CCDC85A: variants seen among roughly 807,000 people sequenced by gnomAD.
The protein encoded by CCDC85A is coiled-coil domain containing 85A.
In CCDC85A, 38 loss-of-function variants were observed where a neutral mutation model predicts 50.2. The observed-to-expected ratio is 0.76, with a 90% CI of 0.58 to 0.99. The LOEUF (loss-of-function observed/expected upper bound fraction) is 0.99. CCDC85A is among the 50% of genes least tolerant of loss of function. The probability of loss-of-function intolerance (pLI) is 0.00; values close to 1 mark genes in which losing one functional copy is unlikely to be tolerated. For synonymous variants in CCDC85A, 366 were observed against 301.4 expected, an observed-to-expected ratio of 1.21 and a Z score of -2.22; for missense variants, 820 against 742.0, an observed-to-expected ratio of 1.11 and a Z score of -1.22.
At chr2:56,280,209 G>C (rs929278681) in intron 2 of CCDC85A, among the ~76,000 whole-genome samples, 2 of 152,178 alleles carry the variant, frequency 1.3e-5, no homozygotes, top group African/African-American at 4.8e-5. Context: ...CTAGCATCTA[G>C]AGTTGGCTCT....
chr2:56,327,089 T>C (rs930275358), intron 2 of CCDC85A, among the ~76,000 whole-genome samples: 1 of 152,138 alleles, frequency 6.6e-6, no homozygotes, highest in Admixed American at 6.6e-5. Context: ...GGCCTTATAT[T>C]ATACATGGTA....
intron 2 of CCDC85A, among the ~76,000 whole-genome samples, chr2:56,287,860 G>A (rs2104130362): frequency 6.6e-6 from 1 of 152,318 alleles, no homozygotes; most frequent in East Asian, 1.9e-4. Context: ...TTTTGGGAGT[G>A]TGAAATTTTT....
chr2:56,184,632 A>G lies in CCDC85A; in HGVS notation c.8A>G (p.Lys3Arg), dbSNP rs1209137627. Residue 3 changes from lysine to arginine, a missense_variant, in exon 1 of 6, where the codon AAG becomes AGG. Transcript: ENST00000407595. MS[K>R]AAGGAAAAAA... ...TGCCACCCCGCGGATACCATGTCGA[A>G]GGCGGCCGGAGGCGCGGCGGCGGCT... The G allele has an allele frequency of 4.2e-6, 6 of 1,427,220 alleles. No homozygotes were observed. The highest frequency in any genetic ancestry group is 5.4e-6 in the Non-Finnish European group (6 of 1,104,624). 88.4% of individuals were successfully genotyped at this position (1,427,220 alleles called of 1,614,324 possible).
chr2:56,185,973 C>G (rs934623403), intron 1 of CCDC85A, among the ~76,000 whole-genome samples: 10 of 152,038 alleles, frequency 6.6e-5, no homozygotes, highest in African/African-American at 2.4e-4. Context: ...CCACTCCTAT[C>G]CCCACATATC....
At chr2:56,193,500 T>G (rs1436112321) in intron 2 of CCDC85A, 60 bp downstream of exon 2, 1 of 1,494,420 alleles carries the variant, frequency 6.7e-7, no homozygotes, top group Non-Finnish European at 8.9e-7. Context: ...GAGTTACGAA[T>G]GATGATGGAC....
chr2:56,310,094 G>A (rs1032538182), intron 2 of CCDC85A, among the ~76,000 whole-genome samples: 4 of 152,080 alleles, frequency 2.6e-5, no homozygotes, highest in East Asian at 1.9e-4. Context: ...TCCAGGTCTC[G>A]TCCAACTTGT....
chr2:56,184,216 C>T lies in CCDC85A; in HGVS notation c.-409C>T. The T allele has an allele frequency of 1.0e-6, 1 of 988,872 alleles. No homozygotes were observed. Among genetic ancestry groups the T allele is most frequent in the Non-Finnish European group, 1.2e-6 (1 of 830,178 alleles). 61.3% of individuals were successfully genotyped at this position (988,872 alleles called of 1,614,324 possible). Reference sequence around the variant, plus strand: ...GGGGAGGAAAGTGCGTGTGCGTGCACGCCTGTGTGCAGGGCAGAGAGTGCG... The same window carrying T: ...GGGGAGGAAAGTGCGTGTGCGTGCATGCCTGTGTGCAGGGCAGAGAGTGCG... On this transcript the variant is annotated 5_prime_UTR_variant, in exon 1 of 6. In the 5' UTR this introduces an upstream ATG that the reference lacks. Transcript: ENST00000407595.
At chr2:56,303,262 A>G (rs1459842795) in intron 2 of CCDC85A, among the ~76,000 whole-genome samples, 2 of 152,118 alleles carry the variant, frequency 1.3e-5, no homozygotes, top group African/African-American at 4.8e-5. Context: ...CACGTAGTAA[A>G]TAGTTATGTT....
At position 56,342,992 on chromosome 2, in the gene CCDC85A, CA is replaced by C. The variant is rs773242594; in HGVS notation, c.1317+38del. 32 of 1,352,690 alleles carry C rather than the reference CA, an allele frequency of 2.4e-5. No homozygotes were observed. In the South Asian group the frequency reaches 2.4e-4, roughly 10 times the overall value. 83.8% of individuals were successfully genotyped at this position (1,352,690 alleles called of 1,614,324 possible). On this transcript the variant is annotated intron_variant, in intron 3 of 5. Coordinates refer to ENST00000407595, the MANE Select transcript of CCDC85A (RefSeq NM_001080433.2). Reference sequence around the variant, plus strand: ...CCAGAAGCTCATAGCTAGTCAGTGCCATTTAAGTTGTAGTATTTTATTTGGA... The same window carrying C: ...CCAGAAGCTCATAGCTAGTCAGTGCCTTTAAGTTGTAGTATTTTATTTGGA...
rs75702885 is a variant in CCDC85A at position 56,296,753 on chromosome 2, A to G, written c.1241-46126A>G. ...TTCCTTGGGAAGAAGTGAACTGCCT[A>G]TAATAATGGAAAGAAGAAAGAGTTA... On this transcript the variant is annotated intron_variant, in intron 2 of 5. Coordinates refer to ENST00000407595, the MANE Select transcript of CCDC85A (RefSeq NM_001080433.2). Among the ~76,000 whole-genome samples, 694 of 152,302 alleles carry G rather than the reference A, an allele frequency of 4.6e-3. 1 individual carries two copies. Among genetic ancestry groups the G allele is most frequent in the Admixed American group, 9.2e-3 (140 of 15,280 alleles).
At chr2:56,301,501 A>G (rs1422100929) in intron 2 of CCDC85A, among the ~76,000 whole-genome samples, 1 of 152,236 alleles carries the variant, frequency 6.6e-6, no homozygotes, top group East Asian at 1.9e-4. Flanking sequence ...ATTCTGATAC[A>G]GAGGTATATA....
chr2:56,375,717 G>T, intron 4 of CCDC85A, 99 bp from the exon 5 acceptor site: 1 of 1,263,782 alleles, frequency 7.9e-7, no homozygotes, highest in East Asian at 2.5e-5. Flanking sequence ...TAACAAAATG[G>T]CTAATTCTCA....
intron 2 of CCDC85A, among the ~76,000 whole-genome samples, chr2:56,324,604 C>G (rs2104273064): frequency 6.6e-6 from 1 of 152,064 alleles, no homozygotes; most frequent in Admixed American, 6.6e-5. Context: ...ACCAGGTAGA[C>G]TTTTTAAAAA....
chr2:56,272,709 G>C (rs565791079), intron 2 of CCDC85A, among the ~76,000 whole-genome samples: 2 of 152,288 alleles, frequency 1.3e-5, no homozygotes, highest in African/African-American at 4.8e-5. Context: ...GAGAAAGAAA[G>C]ATTCTTGGAT....
intron 2 of CCDC85A, among the ~76,000 whole-genome samples, chr2:56,262,318 A>T (rs1670254049): frequency 1.3e-5 from 2 of 152,244 alleles, no homozygotes; most frequent in South Asian, 4.1e-4. Flanking sequence ...AGTGCATCAG[A>T]TGTTCTGGGA....
intron 2 of CCDC85A, among the ~76,000 whole-genome samples, chr2:56,314,341 G>A (rs1281597044): frequency 6.6e-6 from 1 of 151,748 alleles, no homozygotes; most frequent in Admixed American, 6.6e-5. Context: ...TACTAAGCCT[G>A]CAATCTTTAG....
intron 2 of CCDC85A, among the ~76,000 whole-genome samples, chr2:56,262,724 A>G (rs1214254791): frequency 6.6e-6 from 1 of 152,234 alleles, no homozygotes; most frequent in East Asian, 1.9e-4. Context: ...GAGTATTGCT[A>G]TCTCTTGCAT....
chr2:56,241,214 A>G (rs1669242084), intron 2 of CCDC85A, among the ~76,000 whole-genome samples: 1 of 152,130 alleles, frequency 6.6e-6, no homozygotes, highest in Admixed American at 6.6e-5. Flanking sequence ...ATATATACAT[A>G]TGGCATATGA....
chr2:56,228,699 A>T (rs1208186277), intron 2 of CCDC85A, among the ~76,000 whole-genome samples: 1 of 151,638 alleles, frequency 6.6e-6, no homozygotes, highest in Non-Finnish European at 1.5e-5. Context: ...TGCCTGGCTA[A>T]TTTTTTTGTG....
Sources: allele counts gnomAD v4.1 joint callset (sites outside exome capture counted in the v4.1 genomes callset), GRCh38; gene constraint gnomAD v4.1.1; transcripts MANE v1.5; gene names NCBI Gene and HGNC (gene_info 2026-07-23, HGNC 2026-07-21).